CPEB1: variants seen among roughly 807,000 people sequenced by gnomAD.
The protein encoded by CPEB1 is cytoplasmic polyadenylation element-binding protein 1.
Under a neutral mutation model 65.8 loss-of-function variants are expected in CPEB1, and 7 were observed. The ratio of observed to expected loss-of-function variants is 0.11; its 90% CI spans 0.06 to 0.20. CPEB1 has a LOEUF of 0.20. Ranked by LOEUF, CPEB1 falls within the 10% of genes least tolerant of loss-of-function variation. The probability of loss-of-function intolerance (pLI) is 1.00; values close to 1 mark genes in which losing one functional copy is unlikely to be tolerated. For synonymous variants in CPEB1, 262 were observed against 260.0 expected (o/e 1.01, Z -0.08); for missense variants, 551 against 712.2 (o/e 0.77, Z 2.58).
intron 3 of CPEB1, among the ~76,000 whole-genome samples, chr15:82,586,243 CAA>C (rs11313085): frequency 9.0e-5 from 10 of 111,072 alleles, no homozygotes; most frequent in Non-Finnish European, 1.2e-4. Flanking sequence ...TTTTCAGATA[CAA>C]AAAAAAAAAA....
chr15:82,604,604 C>T (rs1443710424), intron 3 of CPEB1, among the ~76,000 whole-genome samples: 1 of 151,178 alleles, frequency 6.6e-6, no homozygotes, highest in Admixed American at 6.6e-5. Flanking sequence ...AAAAAAGAAC[C>T]AATTAGAAAT....
At chr15:82,582,106 A>C (rs895040363) in intron 3 of CPEB1, among the ~76,000 whole-genome samples, 1 of 152,216 alleles carries the variant, frequency 6.6e-6, no homozygotes, top group African/African-American at 2.4e-5. Flanking sequence ...TCACACTGGG[A>C]AATGAGCAGA....
intron 3 of CPEB1, among the ~76,000 whole-genome samples, chr15:82,594,364 A>AAAAAAG (rs71453400): frequency 0.079 from 11,794 of 150,104 alleles, 605 homozygotes; most frequent in Non-Finnish European, 0.11. Context: ...TGAACCAAAA[A>AAAAAAG]AAAAGAAAAG....
chr15:82,581,826 C>T (rs2041311482), intron 3 of CPEB1, among the ~76,000 whole-genome samples: 1 of 152,176 alleles, frequency 6.6e-6, no homozygotes, highest in South Asian at 2.1e-4. Flanking sequence ...ATGGCATCTT[C>T]TTGCAGCATT....
intron 3 of CPEB1, among the ~76,000 whole-genome samples, chr15:82,623,483 G>C (rs2045493452): frequency 6.6e-6 from 1 of 152,158 alleles, no homozygotes; most frequent in Admixed American, 6.5e-5. Flanking sequence ...TTCAAGACCA[G>C]CCTGGCCAAT....
At chr15:82,546,569 G>GGC in intron 11 of CPEB1, 48 bp from the exon 12 acceptor site, 1 of 1,378,050 alleles carries the variant, frequency 7.3e-7, no homozygotes, top group Non-Finnish European at 1.0e-6. Context: ...CTTACCAGGA[G>GGC]GCTCGATAGG....
chr15:82,566,738 G>A (rs2039194283), intron 4 of CPEB1, among the ~76,000 whole-genome samples: 1 of 152,036 alleles, frequency 6.6e-6, no homozygotes. Flanking sequence ...CACCTAGGAG[G>A]CCTCCCTGGC....
chr15:82,611,284 C>T, intron 3 of CPEB1, among the ~76,000 whole-genome samples: 1 of 152,108 alleles, frequency 6.6e-6, no homozygotes, highest in East Asian at 1.9e-4. Context: ...TATTTCTATA[C>T]ACTAGCAATG....
intron 3 of CPEB1, among the ~76,000 whole-genome samples, chr15:82,625,223 G>A (rs1325738467): frequency 3.3e-5 from 5 of 152,088 alleles, no homozygotes; most frequent in Non-Finnish European, 4.4e-5. Context: ...TTAACTCAGC[G>A]TAAACTAAAA....
chr15:82,562,541 T>TA (rs1209236229), intron 4 of CPEB1, among the ~76,000 whole-genome samples: 3 of 152,150 alleles, frequency 2.0e-5, no homozygotes, highest in Admixed American at 6.5e-5. Context: ...TCCTCTGACT[T>TA]AAAGACTGGA....
intron 3 of CPEB1, among the ~76,000 whole-genome samples, chr15:82,603,764 A>G (rs549352615): frequency 3.9e-5 from 6 of 152,328 alleles, no homozygotes; most frequent in African/African-American, 1.4e-4. Context: ...CAGAGACTTC[A>G]GTGGCCACAT....
chr15:82,546,010 G>A (rs2035134410), intron 12 of CPEB1, among the ~76,000 whole-genome samples: 1 of 83,054 alleles, frequency 1.2e-5, no homozygotes, highest in Non-Finnish European at 2.5e-5. Context: ...AAGTATGTCT[G>A]TCCCGGTCTG....
At chr15:82,645,775 G>T (rs771422604) in intron 1 of CPEB1, among the ~76,000 whole-genome samples, 36 of 152,162 alleles carry the variant, frequency 2.4e-4, no homozygotes, top group Non-Finnish European at 4.4e-4. Flanking sequence ...GGCTGAGGCA[G>T]GAGAATCGCT....
At chr15:82,553,364 C>T in intron 8 of CPEB1, 103 bp downstream of exon 8, 2 of 830,724 alleles carry the variant, frequency 2.4e-6, no homozygotes, top group Middle Eastern at 2.7e-4. Context: ...CACCATGTTA[C>T]CAACATGCAG....
At chr15:82,634,665 C>CCT (rs374800309) in intron 1 of CPEB1, among the ~76,000 whole-genome samples, 84 of 152,206 alleles carry the variant, frequency 5.5e-4, no homozygotes, top group African/African-American at 2.0e-3. Context: ...ATGTAGTAAT[C>CCT]CTCCTGACAA....
At chr15:82,570,389 C>T (rs570521943) in intron 4 of CPEB1, among the ~76,000 whole-genome samples, 9 of 151,234 alleles carry the variant, frequency 6.0e-5, no homozygotes, top group Admixed American at 2.6e-4. Context: ...CCCTCCCCCC[C>T]GCCCCTTACC....
chr15:82,629,519 A>G, intron 1 of CPEB1: 1 of 985,404 alleles, frequency 1.0e-6, no homozygotes, highest in African/African-American at 1.7e-5. Flanking sequence ...ATCTCGGTAA[A>G]TAACACCACC....
intron 3 of CPEB1, among the ~76,000 whole-genome samples, chr15:82,577,144 C>T (rs1389604696): frequency 6.6e-6 from 1 of 152,168 alleles, no homozygotes; most frequent in African/African-American, 2.4e-5. Flanking sequence ...AAGATTAAAT[C>T]ATTTTTAAAT....
In CPEB1 at chr15:82,643,753, C is replaced by T. The variant is rs905144290; in HGVS notation, c.-98+3384G>A. 3.3e-5 allele frequency among the ~76,000 whole-genome samples: 5 copies of T among 152,206 alleles called. No homozygotes were observed. In the East Asian group the frequency reaches 5.8e-4, roughly 18 times the overall value. ...ATCCAGAATTGAAACCCCAGCCCCT[C>T]ATTTCTGGGGCAGGGCTATTTTATG... On this transcript the variant is annotated intron_variant, in intron 1 of 12. Coordinates refer to ENST00000684509, the MANE Select transcript of CPEB1 (RefSeq NM_001365242.1).
Sources: gnomAD v4.1 joint callset for allele counts (sites outside exome capture counted in the v4.1 genomes callset) on GRCh38, gnomAD v4.1.1 for gene constraint, MANE v1.5 for transcripts, NCBI Gene and HGNC (gene_info 2026-07-23, HGNC 2026-07-21) for gene names.